The following ZC3H3 variants were observed in gnomAD, a reference collection of about 807,000 sequenced individuals.
ZC3H3 encodes zinc finger CCCH-type containing 3, also known as zinc finger CCCH domain-containing protein 3.
In ZC3H3, 36 loss-of-function variants were observed where a neutral mutation model predicts 77.3. The observed-to-expected ratio is 0.47, with a 90% CI of 0.36 to 0.61. ZC3H3 has a LOEUF of 0.61. ZC3H3 is among the 20% of genes least tolerant of loss of function. The probability of loss-of-function intolerance (pLI) is 0.00; values close to 1 mark genes in which losing one functional copy is unlikely to be tolerated. For missense variants in ZC3H3, 1,331 were observed against 1,312.2 expected, an observed-to-expected ratio of 1.01 and a Z score of -0.22; for synonymous variants, 626 against 555.2, an observed-to-expected ratio of 1.13 and a Z score of -1.79.
At chr8:143,523,673 C>A (rs907755533) in intron 3 of ZC3H3, among the ~76,000 whole-genome samples, 1 of 152,228 alleles carries the variant, frequency 6.6e-6, no homozygotes, top group African/African-American at 2.4e-5. Flanking sequence ...GAAGTGGCCA[C>A]CGCCAGGCTT....
intron 11 of ZC3H3, among the ~76,000 whole-genome samples, chr8:143,438,976 G>C (rs756927288): frequency 7.2e-5 from 11 of 152,190 alleles, no homozygotes; most frequent in Admixed American, 2.0e-4. Context: ...ACCTGCCCGA[G>C]CTCCTGGCCA....
chr8:143,501,932 C>G (rs1480982692), intron 4 of ZC3H3, among the ~76,000 whole-genome samples: 1 of 152,260 alleles, frequency 6.6e-6, no homozygotes, highest in Non-Finnish European at 1.5e-5. Flanking sequence ...AGCCCTGACC[C>G]CAGCGGGATG....
chr8:143,498,374 C>G (rs899841222), intron 4 of ZC3H3, among the ~76,000 whole-genome samples: 2 of 152,202 alleles, frequency 1.3e-5, no homozygotes, highest in African/African-American at 4.8e-5. Context: ...GATCCCGGTA[C>G]TTAGGGTCAC....
At chr8:143,528,654 G>A (rs1456519610) in intron 3 of ZC3H3, among the ~76,000 whole-genome samples, 1 of 152,232 alleles carries the variant, frequency 6.6e-6, no homozygotes, top group Non-Finnish European at 1.5e-5. Flanking sequence ...AAAGGGGCAG[G>A]ACAGCGTCAG....
rs183745191 is a variant in ZC3H3, at chr8:143,499,908, G to A, written c.1715+7838C>T. Among the ~76,000 whole-genome samples the A allele has an allele frequency of 3.3e-3, 500 of 152,288 alleles. 3 individuals are homozygous for A. The highest frequency in any genetic ancestry group is 0.012 in the African/African-American group (481 of 41,548). On this transcript the variant is annotated intron_variant, in intron 4 of 11. Coordinates refer to ENST00000262577, the MANE Select transcript of ZC3H3 (RefSeq NM_015117.3). ...CCGGCCCTCACAGCCCAGGAGGCCC[G>A]CAGCAGTGCCGCCTCTCAGCTGGCC...
intron 9 of ZC3H3, among the ~76,000 whole-genome samples, chr8:143,445,724 G>T (rs1157693937): frequency 6.6e-6 from 1 of 151,746 alleles, no homozygotes; most frequent in Non-Finnish European, 1.5e-5. Context: ...GACATTAAAA[G>T]GGAGGGTCTA....
At chr8:143,452,324 G>T (rs1209693997) in intron 9 of ZC3H3, among the ~76,000 whole-genome samples, 1 of 152,138 alleles carries the variant, frequency 6.6e-6, no homozygotes, top group East Asian at 1.9e-4. Flanking sequence ...TTCAGGGAAG[G>T]TCTGTTTTCC....
Position 143,538,367 on chromosome 8 carries a change from C to T in ZC3H3, c.1000G>A (p.Ala334Thr). ...GCAGAGGCCTTGCACACATTCTCTG[C>T]AGCCACTCTGGGACTGAGGGCCCTC... is the stretch of plus-strand genomic sequence containing the variant. ...ARRALSPRVA[A>T]ENVCKASAGM... is the part of the protein sequence containing the mutation. The change falls in exon 2 of 12, where the codon GCA becomes ACA. Residue 334 changes from alanine (A) to threonine (T), a missense_variant. Physicochemically the swap from Ala to Thr is moderately conservative, Grantham distance 58 (BLOSUM62 0). Around this residue, in one of 3 missense-constraint regions of ZC3H3, gnomAD observed 978 missense variants for 915.5 expected, o/e 1.07. Transcript: ENST00000262577. The T allele has an allele frequency of 6.2e-7, 1 of 1,613,120 alleles. No individual in the cohort carries two copies. Among genetic ancestry groups the T allele is most frequent in the Non-Finnish European group, 8.5e-7 (1 of 1,180,044 alleles).
intron 9 of ZC3H3, among the ~76,000 whole-genome samples, chr8:143,453,187 C>CCCA (rs1820030833): frequency 6.6e-6 from 1 of 152,200 alleles, no homozygotes; most frequent in African/African-American, 2.4e-5. Context: ...AAGCAATCCT[C>CCCA]CCAACTCAGC....
At position 143,475,594 on chromosome 8, in the gene ZC3H3, A is replaced by G. The variant is rs757546023; in HGVS notation, c.1716-9T>C. 1.3e-6 allele frequency: 2 copies of G among 1,582,554 alleles called. No homozygotes were observed. The highest frequency in any genetic ancestry group is 2.7e-5 in the African/African-American group (2 of 74,582). On this transcript the variant is annotated splice_polypyrimidine_tract_variant and intron_variant, in intron 4 of 11. Transcript: ENST00000262577. Reference sequence around the variant, plus strand: ...GGTTCAGCACCAGGGACCTGCAGAGACAGGAAATGCCCGTCAAACCTGGCC... The same window carrying G: ...GGTTCAGCACCAGGGACCTGCAGAGGCAGGAAATGCCCGTCAAACCTGGCC...
intron 9 of ZC3H3, among the ~76,000 whole-genome samples, chr8:143,446,511 A>T (rs984939635): frequency 2.6e-5 from 4 of 152,214 alleles, no homozygotes; most frequent in African/African-American, 9.6e-5. Flanking sequence ...CCTCACCCTC[A>T]CCAAAAAGAT....
chr8:143,468,522 G>A lies in ZC3H3; in HGVS notation c.1965C>T (p.Ser655=). ...RSLASRAVQR[S]LAIIRQARQR... Reference sequence around the variant, plus strand: ...GCCGCGCCTGCCGGATGATGGCCAGGCTGCGCTGCACTGCCCGGCTGCAGA... The same window carrying A: ...GCCGCGCCTGCCGGATGATGGCCAGACTGCGCTGCACTGCCCGGCTGCAGA... Residue 655 remains serine (S), a synonymous_variant, in exon 7 of 12, where the codon AGC becomes AGT. Coordinates refer to ENST00000262577, the MANE Select transcript of ZC3H3 (RefSeq NM_015117.3). The A allele has an allele frequency of 1.2e-6, 2 of 1,608,716 alleles. No individual in the cohort carries two copies. Among genetic ancestry groups the A allele is most frequent in the Admixed American group, 1.7e-5 (1 of 59,532 alleles).
intron 5 of ZC3H3, among the ~76,000 whole-genome samples, chr8:143,473,742 C>T (rs1017071487): frequency 6.6e-6 from 1 of 152,306 alleles, no homozygotes; most frequent in Middle Eastern, 3.4e-3. Flanking sequence ...GGGTCAAGCA[C>T]GATGTCCTCA....
chr8:143,535,295 T>C (rs1012567733), intron 3 of ZC3H3, among the ~76,000 whole-genome samples: 1 of 152,190 alleles, frequency 6.6e-6, no homozygotes, highest in African/African-American at 2.4e-5. Context: ...CACCTTGGCC[T>C]CCCAAAGAGC....
At chr8:143,499,801 G>A (rs1275761739) in intron 4 of ZC3H3, among the ~76,000 whole-genome samples, 1 of 152,168 alleles carries the variant, frequency 6.6e-6, no homozygotes, top group African/African-American at 2.4e-5. Flanking sequence ...TCTTGGCAAA[G>A]GCCCAAGCTC....
intron 9 of ZC3H3, among the ~76,000 whole-genome samples, chr8:143,459,511 T>A (rs1820202834): frequency 6.6e-6 from 1 of 152,166 alleles, no homozygotes; most frequent in Admixed American, 6.5e-5. Flanking sequence ...ATCGTACCAG[T>A]GCACTCCAGC....
rs1822236290 is a variant in ZC3H3 at position 143,521,347 on chromosome 8, C to A, written c.1562-13448G>T. 2.0e-5 allele frequency among the ~76,000 whole-genome samples: 3 copies of A among 149,234 alleles called. No individual in the cohort carries two copies. In the Admixed American group the frequency reaches 2.0e-4, roughly 10 times the overall value. ...CTGAAGGGACTGACCCCACACTCCA[C>A]CCACTGGTACCCCCTCCCAGGTCTT... On this transcript the variant is annotated intron_variant, in intron 3 of 11. Coordinates refer to ENST00000262577, the MANE Select transcript of ZC3H3 (RefSeq NM_015117.3).
intron 9 of ZC3H3, among the ~76,000 whole-genome samples, chr8:143,454,797 A>G (rs1285912883): frequency 2.6e-5 from 4 of 152,130 alleles, no homozygotes; most frequent in African/African-American, 4.8e-5. Context: ...CCAGGACATG[A>G]ATCATTCCTT....
At chr8:143,510,630 G>A (rs938351440) in intron 3 of ZC3H3, among the ~76,000 whole-genome samples, 3 of 152,236 alleles carry the variant, frequency 2.0e-5, no homozygotes, top group African/African-American at 7.2e-5. Flanking sequence ...GCGTGGGCAG[G>A]TGGCAAGGCT....
Sources: gnomAD v4.1 joint callset for allele counts (sites outside exome capture counted in the v4.1 genomes callset) on GRCh38, gnomAD v4.1.1 for gene constraint, gnomAD v4.1.1 regional missense constraint, MANE v1.5 for transcripts, NCBI Gene and HGNC (gene_info 2026-07-23, HGNC 2026-07-21) for gene names.